NLGN1: variants seen among roughly 807,000 people sequenced by gnomAD.
NLGN1 encodes neuroligin 1, also known as neuroligin-1.
Under a neutral mutation model 65.5 loss-of-function variants are expected in NLGN1, and 12 were observed. The observed-to-expected ratio is 0.18, with a 90% CI of 0.12 to 0.30. The LOEUF is 0.30. Ranked by LOEUF, NLGN1 falls within the 10% of genes least tolerant of loss-of-function variation. NLGN1 has a pLI of 1.00. For synonymous variants in NLGN1, 350 were observed against 359.5 expected (o/e 0.97, Z 0.30); for missense variants, 750 against 1,007.1 (o/e 0.74, Z 3.46).
intron 2 of NLGN1, among the ~76,000 whole-genome samples, chr3:173,544,089 G>A (rs1446624150): frequency 6.6e-6 from 1 of 152,112 alleles, no homozygotes; most frequent in African/African-American, 2.4e-5. Context: ...GGAACAGAAT[G>A]TTCTGAGTGC....
At chr3:173,795,237 T>C (rs1713781466) in intron 3 of NLGN1, among the ~76,000 whole-genome samples, 1 of 152,138 alleles carries the variant, frequency 6.6e-6, no homozygotes, top group South Asian at 2.1e-4. Flanking sequence ...TTTTTTTAAA[T>C]AATCAAGTGT....
chr3:173,611,901 G>C (rs1352536329), intron 3 of NLGN1, among the ~76,000 whole-genome samples: 1 of 151,948 alleles, frequency 6.6e-6, no homozygotes, highest in African/African-American at 2.4e-5. Context: ...TAAATTCTTG[G>C]TAAAAACTGC....
chr3:173,797,711 A>C (rs1394868534), intron 3 of NLGN1, among the ~76,000 whole-genome samples: 2 of 151,222 alleles, frequency 1.3e-5, no homozygotes, highest in Non-Finnish European at 3.0e-5. Flanking sequence ...AAAAAAAACA[A>C]GAAACAAACA....
chr3:174,117,990 C>T (rs1419615926), intron 4 of NLGN1, among the ~76,000 whole-genome samples: 2 of 151,420 alleles, frequency 1.3e-5, no homozygotes, highest in Non-Finnish European at 2.9e-5. Flanking sequence ...AATGTGCTCA[C>T]CAGGAGTTTG....
intron 2 of NLGN1, among the ~76,000 whole-genome samples, chr3:173,517,169 C>T (rs973108112): frequency 2.0e-5 from 3 of 152,020 alleles, no homozygotes; most frequent in Non-Finnish European, 4.4e-5. Flanking sequence ...GATATATGCA[C>T]ATTGTTTTAT....
chr3:173,985,840 C>CT (rs1296304646), intron 4 of NLGN1, among the ~76,000 whole-genome samples: 1 of 151,982 alleles, frequency 6.6e-6, no homozygotes, highest in East Asian at 1.9e-4. Flanking sequence ...ATCCCAGCTA[C>CT]TATGGAGGCT....
At chr3:174,264,734 G>A (rs373659775) in intron 4 of NLGN1, among the ~76,000 whole-genome samples, 6 of 151,966 alleles carry the variant, frequency 3.9e-5, no homozygotes, top group African/African-American at 9.7e-5. Context: ...GAGGAGCTGC[G>A]TTCCTTTGGA....
intron 2 of NLGN1, among the ~76,000 whole-genome samples, chr3:173,510,222 A>G (rs1346081095): frequency 6.6e-6 from 1 of 152,088 alleles, no homozygotes; most frequent in Non-Finnish European, 1.5e-5. Flanking sequence ...TGAGACTCCA[A>G]CTCTTTCTTT....
chr3:173,834,605 A>G (rs1057044491), intron 4 of NLGN1, among the ~76,000 whole-genome samples: 3 of 152,200 alleles, frequency 2.0e-5, no homozygotes, highest in African/African-American at 7.2e-5. Context: ...CACTTAGGGT[A>G]CATTATATCT....
chr3:174,221,256 T>A (rs1738589469), intron 4 of NLGN1, among the ~76,000 whole-genome samples: 2 of 152,056 alleles, frequency 1.3e-5, no homozygotes, highest in Admixed American at 6.6e-5. Context: ...CTAGAAATGA[T>A]GAGGTGAGGA....
intron 4 of NLGN1, among the ~76,000 whole-genome samples, chr3:174,027,509 A>T (rs934262394): frequency 6.6e-6 from 1 of 152,072 alleles, no homozygotes; most frequent in Non-Finnish European, 1.5e-5. Context: ...AGAATTCCAA[A>T]TTTTTCAGGT....
At chr3:173,559,666 CA>C (rs1274569536) in intron 2 of NLGN1, among the ~76,000 whole-genome samples, 1 of 152,018 alleles carries the variant, frequency 6.6e-6, no homozygotes, top group Non-Finnish European at 1.5e-5. Flanking sequence ...AATCAAATCT[CA>C]ATTTTTAAGG....
chr3:174,001,847 GGA>G, intron 4 of NLGN1, among the ~76,000 whole-genome samples: 1 of 151,968 alleles, frequency 6.6e-6, no homozygotes, highest in African/African-American at 2.4e-5. Context: ...GCCAATTTCT[GGA>G]GATGGTTCAT....
At chr3:173,529,671 C>G (rs1445556800) in intron 2 of NLGN1, among the ~76,000 whole-genome samples, 1 of 152,200 alleles carries the variant, frequency 6.6e-6, no homozygotes, top group Non-Finnish European at 1.5e-5. Flanking sequence ...TGGGAAATGC[C>G]TGACCCTCAG....
intron 3 of NLGN1, among the ~76,000 whole-genome samples, chr3:173,717,438 T>C (rs12488449): frequency 8.6e-5 from 13 of 151,904 alleles, no homozygotes; most frequent in Admixed American, 8.5e-4. Flanking sequence ...CTAAAGGTGT[T>C]GATCCAGCTT....
intron 4 of NLGN1, among the ~76,000 whole-genome samples, chr3:174,065,566 C>T (rs560427512): frequency 1.3e-5 from 2 of 152,104 alleles, no homozygotes; most frequent in Admixed American, 6.5e-5. Context: ...TAGCCTGCTT[C>T]GAAAATACGT....
intron 4 of NLGN1, among the ~76,000 whole-genome samples, chr3:174,089,711 A>G (rs1744130209): frequency 6.6e-6 from 1 of 152,312 alleles, no homozygotes; most frequent in East Asian, 1.9e-4. Flanking sequence ...GAGACTGCCA[A>G]TAAATCATTC....
chr3:173,484,160 A>G (rs999309102), intron 2 of NLGN1, among the ~76,000 whole-genome samples: 4 of 152,096 alleles, frequency 2.6e-5, no homozygotes, highest in African/African-American at 7.2e-5. Flanking sequence ...CCTTAAACCT[A>G]TGTGTATTTA....
chr3:173,447,065 T>G (rs1720501542), intron 2 of NLGN1, among the ~76,000 whole-genome samples: 1 of 152,224 alleles, frequency 6.6e-6, no homozygotes. Context: ...GCTCTTTAGT[T>G]GAATTAGAAC....
Sources: allele counts gnomAD v4.1 joint callset (sites outside exome capture counted in the v4.1 genomes callset), GRCh38; gene constraint gnomAD v4.1.1; transcripts MANE v1.5; gene names NCBI Gene and HGNC (gene_info 2026-07-23, HGNC 2026-07-21).